Variants in CSMD1 observed in about 807,000 individuals in gnomAD.
CSMD1 encodes CUB and Sushi multiple domains 1.
Under a neutral mutation model 417.5 loss-of-function variants are expected in CSMD1, and 213 were observed. The observed-to-expected ratio is 0.51, with a 90% CI of 0.46 to 0.57. The LOEUF is 0.57. CSMD1 is among the 20% of genes least tolerant of loss of function. The probability of loss-of-function intolerance (pLI) is 0.00; values close to 1 mark genes in which losing one functional copy is unlikely to be tolerated. For missense variants in CSMD1, 6,923 were observed against 4,529.7 expected, an observed-to-expected ratio of 1.53 and a Z score of -15.17; for synonymous variants, 2,862 against 1,736.8, an observed-to-expected ratio of 1.65 and a Z score of -16.11.
intron 10 of CSMD1, among the ~76,000 whole-genome samples, chr8:3,516,050 C>A (rs1445641111): frequency 1.3e-5 from 2 of 152,184 alleles, no homozygotes; most frequent in Admixed American, 6.5e-5. Context: ...CCTATTAGAA[C>A]TCCCTACTGT....
chr8:3,433,807 G>A (rs898425867), intron 12 of CSMD1, among the ~76,000 whole-genome samples: 1 of 152,154 alleles, frequency 6.6e-6, no homozygotes, highest in African/African-American at 2.4e-5. Context: ...CACAGTTCTA[G>A]GACTGAAAAA....
chr8:3,304,234 T>C (rs531932398), intron 25 of CSMD1, among the ~76,000 whole-genome samples: 54 of 152,258 alleles, frequency 3.5e-4, no homozygotes, highest in Middle Eastern at 3.4e-3. Context: ...GTGTTCATAT[T>C]TATATGACTG....
intron 50 of CSMD1, among the ~76,000 whole-genome samples, chr8:3,029,761 G>C (rs1810216926): frequency 6.6e-6 from 1 of 151,946 alleles, no homozygotes. Context: ...GAACTGTAAA[G>C]GGGGTAAATC....
chr8:3,198,637 A>G (rs1299660651), intron 33 of CSMD1, among the ~76,000 whole-genome samples: 1 of 152,204 alleles, frequency 6.6e-6, no homozygotes, highest in African/African-American at 2.4e-5. Context: ...TACTCTTTAA[A>G]TGATCTAATT....
rs375763625 is a variant in CSMD1, at chr8:3,395,226, G to C, written c.2593+968C>G. 9.9e-5 allele frequency among the ~76,000 whole-genome samples: 15 copies of C among 152,262 alleles called. 1 individual carries two copies. In the South Asian group the frequency reaches 1.9e-3, roughly 19 times the overall value. ...AAAACATCTTTACAATAGTACTTGAGATAAAGCTCTGAAAAAGAACAGCCA... is the reference window on the plus strand; with the variant it reads ...AAAACATCTTTACAATAGTACTTGACATAAAGCTCTGAAAAAGAACAGCCA... On this transcript the variant is annotated intron_variant, in intron 17 of 69. Transcript: ENST00000635120.
intron 2 of CSMD1, among the ~76,000 whole-genome samples, chr8:4,509,073 G>A (rs897958967): frequency 6.6e-6 from 1 of 152,062 alleles, no homozygotes; most frequent in Non-Finnish European, 1.5e-5. Flanking sequence ...TAGAAGAGGA[G>A]AGTGAAGAAT....
chr8:3,370,668 G>C (rs966541289), intron 18 of CSMD1, among the ~76,000 whole-genome samples: 1 of 152,140 alleles, frequency 6.6e-6, no homozygotes, highest in Non-Finnish European at 1.5e-5. Flanking sequence ...CTGAGGGCTG[G>C]AACCGAATAA....
At chr8:4,443,332 C>T (rs1798592161) in intron 2 of CSMD1, among the ~76,000 whole-genome samples, 1 of 152,144 alleles carries the variant, frequency 6.6e-6, no homozygotes, top group African/African-American at 2.4e-5. Context: ...AGAAAGTCTA[C>T]CCACAATATG....
At chr8:3,912,293 A>G (rs2554716) in intron 5 of CSMD1, among the ~76,000 whole-genome samples, 4,415 of 152,252 alleles carry the variant, frequency 0.029, 213 homozygotes, top group African/African-American at 0.1. Flanking sequence ...GAGGGTGAAT[A>G]TTTTATATTT....
chr8:4,218,113 T>C (rs553167326), intron 3 of CSMD1, among the ~76,000 whole-genome samples: 1 of 152,242 alleles, frequency 6.6e-6, no homozygotes, highest in Non-Finnish European at 1.5e-5. Context: ...ACATTGGCGA[T>C]GACCTTGAAC....
chr8:3,579,247 G>A (rs1442523051), intron 9 of CSMD1, among the ~76,000 whole-genome samples: 1 of 152,020 alleles, frequency 6.6e-6, no homozygotes, highest in Non-Finnish European at 1.5e-5. Flanking sequence ...AATTTTGGAT[G>A]CCAATGCATG....
chr8:4,968,698 CCT>C (rs1294389195), intron 1 of CSMD1, among the ~76,000 whole-genome samples: 5 of 152,128 alleles, frequency 3.3e-5, no homozygotes, highest in Non-Finnish European at 5.9e-5. Context: ...CAAATACTAA[CCT>C]CTACCAGTGG....
intron 2 of CSMD1, among the ~76,000 whole-genome samples, chr8:4,563,218 G>C (rs534033992): frequency 6.6e-6 from 1 of 151,976 alleles, no homozygotes; most frequent in Admixed American, 6.6e-5. Context: ...TGGCTAACAC[G>C]GTGAAACCCC....
At position 3,057,079 on chromosome 8, in the gene CSMD1, T is replaced by C. The variant is rs528574819; in HGVS notation, c.7475-4432A>G. ...GGGTTTGCTTCAAGAGAAGAATAAG[T>C]GACTATACAGAAACTTCCACAAATA... is the stretch of plus-strand genomic sequence containing the variant. On this transcript the variant is annotated intron_variant, in intron 49 of 69. Coordinates refer to ENST00000635120, the MANE Select transcript of CSMD1 (RefSeq NM_033225.6). Among the ~76,000 whole-genome samples, 21 of 152,198 alleles carry C rather than the reference T, an allele frequency of 1.4e-4. No homozygotes were observed. The South Asian group carries it at 3.1e-3, about 23-fold the overall frequency.
intron 5 of CSMD1, among the ~76,000 whole-genome samples, chr8:3,967,871 G>C (rs768290798): frequency 3.3e-5 from 5 of 151,958 alleles, no homozygotes; most frequent in Admixed American, 2.6e-4. Context: ...GCTCGCTTAA[G>C]AATGTGCCAC....
At chr8:4,495,429 G>C (rs1033600587) in intron 2 of CSMD1, among the ~76,000 whole-genome samples, 2 of 151,998 alleles carry the variant, frequency 1.3e-5, no homozygotes, top group African/African-American at 2.4e-5. Context: ...CAGAAAATTA[G>C]CTAGGCCTGG....
chr8:3,433,956 C>T (rs1461426246), intron 12 of CSMD1, among the ~76,000 whole-genome samples: 3 of 152,186 alleles, frequency 2.0e-5, no homozygotes, highest in African/African-American at 4.8e-5. Context: ...CCAGGCAAGA[C>T]TCCCCTCTGG....
intron 10 of CSMD1, among the ~76,000 whole-genome samples, chr8:3,536,580 G>T (rs1022181317): frequency 1.3e-5 from 2 of 152,192 alleles, no homozygotes. Context: ...GTACTTGGTA[G>T]TCACTGTCTC....
chr8:3,867,361 C>G (rs1030209372), intron 5 of CSMD1, among the ~76,000 whole-genome samples: 2 of 152,134 alleles, frequency 1.3e-5, no homozygotes, highest in African/African-American at 4.8e-5. Context: ...GATGTCTCTT[C>G]TATTGAACTT....
Sources: allele counts gnomAD v4.1 joint callset (sites outside exome capture counted in the v4.1 genomes callset), GRCh38; gene constraint gnomAD v4.1.1; transcripts MANE v1.5; gene names NCBI Gene and HGNC (gene_info 2026-07-23, HGNC 2026-07-21).